The following THSD7A variants were observed in gnomAD, a reference collection of about 807,000 sequenced individuals.
The protein encoded by THSD7A is thrombospondin type 1 domain containing 7A.
Under a neutral mutation model 231.3 loss-of-function variants are expected in THSD7A, and 96 were observed. The observed-to-expected ratio is 0.41, with a 90% CI of 0.35 to 0.49. The LOEUF (loss-of-function observed/expected upper bound fraction) is 0.49. Among genes scored for constraint, THSD7A ranks in the 20% least tolerant of loss-of-function variants. THSD7A has a pLI of 0.05. For synonymous variants in THSD7A, 940 were observed against 743.3 expected (o/e 1.26, Z -4.30); for missense variants, 2,290 against 2,070.2 (o/e 1.11, Z -2.06).
In THSD7A at chr7:11,634,602, C is replaced by G. The variant is rs1441345129; in HGVS notation, c.1022+1528G>C. 6.6e-6 allele frequency among the ~76,000 whole-genome samples: 1 copy of G among 151,894 alleles called. No individual in the cohort carries two copies. The highest frequency in any genetic ancestry group is 1.5e-5 in the Non-Finnish European group (1 of 67,958). On this transcript the variant is annotated intron_variant, in intron 2 of 27. Transcript: ENST00000423059. This position sits in a 1 kb window ranked among gnomAD's most constrained non-coding sequence, Gnocchi z 4.1. ...ATACAGAATCAGAGGTACACACACA[C>G]ACACACACATACACACACACACATT...
chr7:11,807,822 C>T (rs1336229939), intron 1 of THSD7A, among the ~76,000 whole-genome samples: 1 of 152,172 alleles, frequency 6.6e-6, no homozygotes, highest in Admixed American at 6.5e-5. Flanking sequence ...CTTAAATTCA[C>T]TTGTTTTTGC....
chr7:11,613,463 A>G (rs1781002900), intron 2 of THSD7A, among the ~76,000 whole-genome samples: 1 of 152,166 alleles, frequency 6.6e-6, no homozygotes, highest in African/African-American at 2.4e-5. Flanking sequence ...TGATAATAAC[A>G]TATGGGGCTT....
intron 1 of THSD7A, among the ~76,000 whole-genome samples, chr7:11,793,648 T>C (rs1379590241): frequency 1.3e-5 from 2 of 151,808 alleles, no homozygotes; most frequent in Admixed American, 6.6e-5. Flanking sequence ...TATGTAGTCA[T>C]GAAATAAGAA....
chr7:11,578,949 T>C (rs544191444), intron 4 of THSD7A, among the ~76,000 whole-genome samples: 13 of 152,194 alleles, frequency 8.5e-5, no homozygotes, highest in South Asian at 2.1e-4. Flanking sequence ...CCAGTGCATA[T>C]AATTACAAGA....
Position 11,411,345 on chromosome 7 carries a change from A to G in THSD7A, c.3683-23T>C, listed in dbSNP as rs771429123. 6.6e-6 allele frequency: 10 copies of G among 1,517,014 alleles called. No homozygotes were observed. The highest frequency in any genetic ancestry group is 6.4e-6 in the Non-Finnish European group (7 of 1,097,088). The allele number at this position is 1,517,014 out of a possible 1,614,324, so 94.0% of individuals were successfully genotyped here. ...AGTCTGAAAAAAAGGGAAGCCCATC[A>G]GAACAGAAGGCTAAGTAAGAAACAG... On this transcript the variant is annotated intron_variant, in intron 18 of 27. Transcript: ENST00000423059. This position sits in a 1 kb window ranked among gnomAD's most constrained non-coding sequence, Gnocchi z 4.1.
chr7:11,823,618 T>C (rs548511677), intron 1 of THSD7A, among the ~76,000 whole-genome samples: 2 of 152,248 alleles, frequency 1.3e-5, no homozygotes, highest in African/African-American at 4.8e-5. Flanking sequence ...GTTTGTGTCA[T>C]TGACAATTTC....
Position 11,636,612 on chromosome 7 carries a change from C to A in THSD7A, c.540G>T (p.Lys180Asn), listed in dbSNP as rs370526546. 5.6e-6 allele frequency: 9 copies of A among 1,613,888 alleles called. No individual in the cohort carries two copies. Among genetic ancestry groups the A allele is most frequent in the East Asian group, 2.2e-5 (1 of 44,894 alleles). Residue 180 changes from lysine to asparagine, a missense_variant, in exon 2 of 28, where the codon AAG (lysine) becomes AAT (asparagine). Lys to Asn is a moderately conservative substitution (Grantham distance 94). Transcript: ENST00000423059. The surrounding 1 kb of genome is among the most constrained non-coding windows in gnomAD (Gnocchi z 10.0). ...EDIICEYFEP[K>N]PLLEQACLIP... ...TGAGGCAAGCCTGCTCCAGGAGAGG[C>A]TTGGGCTCAAAGTACTCACAGATGA...
chr7:11,781,749 C>A (rs956581731), intron 1 of THSD7A, among the ~76,000 whole-genome samples: 1 of 152,138 alleles, frequency 6.6e-6, no homozygotes, highest in Admixed American at 6.5e-5. Context: ...TTGATAACGA[C>A]CTAATTTCTC....
chr7:11,593,515 A>G lies in THSD7A; in HGVS notation c.1023-13T>C. The G allele has an allele frequency of 6.2e-7, 1 of 1,612,734 alleles. No homozygotes were observed. Among genetic ancestry groups the G allele is most frequent in the Non-Finnish European group, 8.5e-7 (1 of 1,178,880 alleles). On this transcript the variant is annotated splice_polypyrimidine_tract_variant and intron_variant, in intron 2 of 27. Transcript: ENST00000423059. ...TTGCTGGCAAAAGCTGTAAAAGAGC[A>G]TTGATATTCTCATTACAGACTCACA...
At chr7:11,647,763 G>A (rs113852746) in intron 1 of THSD7A, among the ~76,000 whole-genome samples, 3 of 152,066 alleles carry the variant, frequency 2.0e-5, no homozygotes, top group African/African-American at 7.2e-5. Context: ...TTCTATTTGT[G>A]TTAGGAAGTG....
At chr7:11,498,313 G>C (rs1787190042) in intron 6 of THSD7A, among the ~76,000 whole-genome samples, 1 of 152,156 alleles carries the variant, frequency 6.6e-6, no homozygotes, top group Non-Finnish European at 1.5e-5. Flanking sequence ...TTAGGCTTTG[G>C]AGATGTGAAA....
At chr7:11,738,195 G>A (rs1024933740) in intron 1 of THSD7A, among the ~76,000 whole-genome samples, 1 of 151,868 alleles carries the variant, frequency 6.6e-6, no homozygotes, top group African/African-American at 2.4e-5. Flanking sequence ...TTGGATTTTG[G>A]AATATTGGCA....
intron 4 of THSD7A, among the ~76,000 whole-genome samples, chr7:11,558,626 C>A (rs1215781976): frequency 6.6e-6 from 1 of 152,050 alleles, no homozygotes; most frequent in Non-Finnish European, 1.5e-5. Flanking sequence ...AAAGAAATTT[C>A]TAAAGAACTT....
chr7:11,382,605 A>T lies in THSD7A; in HGVS notation c.4423T>A (p.Tyr1475Asn). 6.2e-7 allele frequency: 1 copy of T among 1,612,264 alleles called. No homozygotes were observed. Among genetic ancestry groups the T allele is most frequent in the Non-Finnish European group, 8.5e-7 (1 of 1,178,766 alleles). ...GCACTGGCCATCCATTTATATTCAT[A>T]GCACTGTCCATCTGCAGGGAAATAA... ...ETKSCYDGQC[Y>N]EYKWMASAWK... Residue 1475 changes from tyrosine to asparagine, a missense_variant, in exon 24 of 28, where the codon TAT (tyrosine) becomes AAT (asparagine). Tyr to Asn is a moderately radical substitution (Grantham distance 143, BLOSUM62 -2). Coordinates refer to ENST00000423059, the MANE Select transcript of THSD7A (RefSeq NM_015204.3).
intron 4 of THSD7A, among the ~76,000 whole-genome samples, chr7:11,568,952 G>C (rs189709600): frequency 2.9e-5 from 4 of 138,474 alleles, no homozygotes; most frequent in Non-Finnish European, 6.2e-5. Context: ...TATTGAAAAA[G>C]AAATCAAGAA....
At chr7:11,396,877 C>G (rs1266931456) in intron 23 of THSD7A, among the ~76,000 whole-genome samples, 2 of 152,138 alleles carry the variant, frequency 1.3e-5, no homozygotes, top group Non-Finnish European at 2.9e-5. Context: ...ATGTGAAAAT[C>G]CACAATCACA....
At chr7:11,382,425 G>C (rs1782553783) in intron 24 of THSD7A, 96 bp downstream of exon 24, 1 of 1,031,348 alleles carries the variant, frequency 9.7e-7, no homozygotes, top group Admixed American at 2.0e-5. Flanking sequence ...TTTGAATACT[G>C]AAAGAGTAAC....
chr7:11,542,791 T>C (rs1296757267), intron 5 of THSD7A, among the ~76,000 whole-genome samples, 171 bp downstream of exon 5: 1 of 152,236 alleles, frequency 6.6e-6, no homozygotes, highest in Non-Finnish European at 1.5e-5. Flanking sequence ...TCTTCTGTTT[T>C]AATCTTCTGG....
intron 19 of THSD7A, chr7:11,410,445 A>T (rs576282313): frequency 3.3e-5 from 5 of 152,182 alleles, no homozygotes; most frequent in African/African-American, 1.2e-4. Flanking sequence ...TCTATTCCAG[A>T]TCTATTGAGG....
Sources: gnomAD v4.1 joint callset for allele counts (sites outside exome capture counted in the v4.1 genomes callset) on GRCh38, gnomAD v4.1.1 for gene constraint, Gnocchi (gnomAD v3.1) non-coding constraint, MANE v1.5 for transcripts, NCBI Gene and HGNC (gene_info 2026-07-23, HGNC 2026-07-21) for gene names.